The following SLC39A11 variants were observed in gnomAD, a reference collection of about 807,000 sequenced individuals.
SLC39A11 encodes the protein solute carrier family 39 member 11.
SLC39A11 carries 33 observed loss-of-function variants against 36.1 expected under a neutral mutation model. The observed-to-expected ratio is 0.91, with a 90% CI of 0.69 to 1.22. SLC39A11 has a LOEUF of 1.22. SLC39A11 is among the 50% of genes most tolerant of loss of function. The pLI, the probability that SLC39A11 is intolerant of heterozygous loss-of-function variation, is 0.00. For synonymous variants in SLC39A11, 166 were observed against 170.3 expected (o/e 0.97, Z 0.20); for missense variants, 432 against 430.3 (o/e 1.00, Z -0.03).
intron 3 of SLC39A11, among the ~76,000 whole-genome samples, chr17:73,065,158 A>C (rs1028503812): frequency 2.6e-5 from 4 of 152,196 alleles, no homozygotes; most frequent in African/African-American, 4.8e-5. Context: ...TAATCCCAGC[A>C]CTTTGGGAGG....
In SLC39A11 at chr17:72,748,935, G is replaced by C. The variant is rs74746901; in HGVS notation, c.602-12216C>G. 8.3e-3 allele frequency among the ~76,000 whole-genome samples: 1,269 copies of C among 152,288 alleles called. 20 individuals carry two copies. The highest frequency in any genetic ancestry group is 0.029 in the African/African-American group (1,223 of 41,564). ...CAAGTACGGGAGAGGGGCCAGAAAG[G>C]GCACCGCAGTCTACCCTCCGGGCCT... On this transcript the variant is annotated intron_variant, in intron 6 of 9. Transcript: ENST00000255559.
intron 6 of SLC39A11, among the ~76,000 whole-genome samples, chr17:72,815,002 G>A (rs1307082542): frequency 2.0e-5 from 3 of 152,144 alleles, no homozygotes; most frequent in East Asian, 3.9e-4. Context: ...AGCAGGGTAG[G>A]GGGTAAAAAA....
chr17:72,986,779 A>G (rs1006139499), intron 4 of SLC39A11, among the ~76,000 whole-genome samples: 6 of 152,216 alleles, frequency 3.9e-5, no homozygotes, highest in African/African-American at 1.4e-4. Flanking sequence ...TAATCCAAGC[A>G]CTTTGGGAGG....
chr17:72,934,617 G>A (rs752244525), intron 5 of SLC39A11, among the ~76,000 whole-genome samples: 77 of 152,202 alleles, frequency 5.1e-4, no homozygotes, highest in Non-Finnish European at 4.3e-4. Flanking sequence ...TGTGAGCCGA[G>A]ATTGCGCCAC....
In SLC39A11 at chr17:73,088,789, G is replaced by C. The variant is rs760132435; in HGVS notation, c.-11-14C>G. 1.1e-5 allele frequency: 17 copies of C among 1,566,846 alleles called. No homozygotes were observed. The highest frequency in any genetic ancestry group is 3.3e-4 in the Middle Eastern group (2 of 6,014). ...TGCTGGATACAGCTGTGCAAGAGGA[G>C]CGAGAGGGTCAGCCACCGGTGGTCC... On this transcript the variant is annotated splice_polypyrimidine_tract_variant and intron_variant, in intron 1 of 9. Transcript: ENST00000255559.
At chr17:73,063,909 C>T (rs1475814796) in intron 3 of SLC39A11, among the ~76,000 whole-genome samples, 1 of 152,174 alleles carries the variant, frequency 6.6e-6, no homozygotes, top group Non-Finnish European at 1.5e-5. Context: ...GTCCCTTCCT[C>T]CATCTTAAAT....
intron 4 of SLC39A11, 118 bp downstream of exon 4, chr17:73,031,438 A>G: frequency 9.0e-7 from 1 of 1,110,832 alleles, no homozygotes; most frequent in South Asian, 1.6e-5. Context: ...CTCTGTTTAA[A>G]TACCACTGGC....
At chr17:72,649,683 C>T (rs1260499195) in intron 7 of SLC39A11, among the ~76,000 whole-genome samples, 2 of 143,852 alleles carry the variant, frequency 1.4e-5, no homozygotes, top group Non-Finnish European at 3.0e-5. Context: ...GCTCTGGAGA[C>T]TCCAGGCTGG....
intron 6 of SLC39A11, among the ~76,000 whole-genome samples, chr17:72,806,308 G>A (rs910262996): frequency 6.6e-6 from 1 of 152,170 alleles, no homozygotes; most frequent in South Asian, 2.1e-4. Context: ...GTGAATGTGA[G>A]TATAGAAAAT....
At chr17:72,721,968 C>CA (rs11399362) in intron 7 of SLC39A11, among the ~76,000 whole-genome samples, 16,869 of 104,870 alleles carry the variant, frequency 0.16, 2,394 homozygotes, top group African/African-American at 0.39. Context: ...GCCTCCATCT[C>CA]AAAAAAAAAA....
chr17:72,732,341 T>C (rs1242740784), intron 7 of SLC39A11, among the ~76,000 whole-genome samples: 2 of 152,170 alleles, frequency 1.3e-5, no homozygotes, highest in African/African-American at 4.8e-5. Flanking sequence ...CTACACTATA[T>C]TCAGATTTCA....
At chr17:72,799,444 C>CA (rs1341887876) in intron 6 of SLC39A11, among the ~76,000 whole-genome samples, 4 of 151,666 alleles carry the variant, frequency 2.6e-5, no homozygotes, top group Non-Finnish European at 4.4e-5. Context: ...TGGGGTCGGG[C>CA]AAAAAAAGCC....
chr17:73,068,201 GT>G, intron 3 of SLC39A11: 2 of 1,127,052 alleles, frequency 1.8e-6, no homozygotes, highest in Non-Finnish European at 2.6e-6. Flanking sequence ...CTCCAGAGTG[GT>G]TGTTTCTGGG....
chr17:72,796,682 C>T (rs1228544674), intron 6 of SLC39A11, among the ~76,000 whole-genome samples: 4 of 152,220 alleles, frequency 2.6e-5, no homozygotes, highest in Non-Finnish European at 5.9e-5. Flanking sequence ...GCAAACCACA[C>T]ACACACAAAT....
Position 72,849,824 on chromosome 17 carries a change from A to AG in SLC39A11, c.431-21_431-20insC, listed in dbSNP as rs747143797. ...TCTTGTCTGAGCAAAAAAAAAAAAA[A>AG]AGAGAGATGGGGAAAGACAGCGCTT... On this transcript the variant is annotated intron_variant, in intron 5 of 9. Coordinates refer to ENST00000255559, the MANE Select transcript of SLC39A11 (RefSeq NM_139177.4). 8.5e-5 allele frequency: 117 copies of AG among 1,372,070 alleles called. No individual in the cohort carries two copies. The South Asian group carries it at 1.3e-3, about 16-fold the overall frequency. The allele number at this position is 1,372,070 out of a possible 1,614,324, so 85.0% of individuals were successfully genotyped here.
intron 6 of SLC39A11, among the ~76,000 whole-genome samples, chr17:72,790,408 G>C (rs1319532777): frequency 2.0e-5 from 3 of 152,212 alleles, no homozygotes; most frequent in African/African-American, 7.2e-5. Context: ...AAAGACACCA[G>C]ATGGTGGTTT....
chr17:72,660,708 G>A (rs1442523382), intron 7 of SLC39A11, among the ~76,000 whole-genome samples: 1 of 152,164 alleles, frequency 6.6e-6, no homozygotes, highest in Non-Finnish European at 1.5e-5. Flanking sequence ...TAATGGAGTG[G>A]AACGTGCCAT....
At chr17:73,081,753 G>GTATATATGTA (rs1276800588) in intron 3 of SLC39A11, among the ~76,000 whole-genome samples, 1 of 144,454 alleles carries the variant, frequency 6.9e-6, no homozygotes. Flanking sequence ...ATACATATAT[G>GTATATATGTA]TGTGTGGGTA....
intron 5 of SLC39A11, among the ~76,000 whole-genome samples, chr17:72,900,212 A>AGAAAGAAAGAAG (rs1567913196): frequency 9.7e-6 from 1 of 103,548 alleles, no homozygotes; most frequent in African/African-American, 4.0e-5. Flanking sequence ...AAAGAAAGAA[A>AGAAAGAAAGAAG]GAAAGAAAGA....
Sources: allele counts gnomAD v4.1 joint callset (sites outside exome capture counted in the v4.1 genomes callset), GRCh38; gene constraint gnomAD v4.1.1; transcripts MANE v1.5; gene names NCBI Gene and HGNC (gene_info 2026-07-23, HGNC 2026-07-21).